Variants in PAFAH1B2 observed in about 807,000 individuals in gnomAD.
PAFAH1B2 encodes platelet-activating factor acetylhydrolase IB subunit alpha2.
A neutral mutation model predicts 28.0 loss-of-function variants in PAFAH1B2; 8 were observed. That is an observed-to-expected ratio of 0.29 (90% CI 0.17 to 0.52). The LOEUF is 0.52. Among genes scored for constraint, PAFAH1B2 ranks in the 20% least tolerant of loss-of-function variants. PAFAH1B2 has a pLI of 0.97. For synonymous variants in PAFAH1B2, 104 were observed against 103.2 expected (o/e 1.01, Z -0.05); for missense variants, 190 against 282.6 (o/e 0.67, Z 2.35).
chr11:117,163,994 G>A (rs1219921929), intron 5 of PAFAH1B2, 102 bp downstream of exon 5: 2 of 1,250,382 alleles, frequency 1.6e-6, no homozygotes, highest in Non-Finnish European at 2.3e-6. Context: ...CCTTGAGGTG[G>A]AAGCAGTTTA....
In PAFAH1B2 at chr11:117,168,194, T is replaced by C. The variant is rs904058443; in HGVS notation, c.*495T>C. 6 of 1,048,980 alleles carry C rather than the reference T, an allele frequency of 5.7e-6. No homozygotes were observed. Among genetic ancestry groups the C allele is most frequent in the Non-Finnish European group, 6.9e-6 (6 of 866,070 alleles). 65.0% of individuals were successfully genotyped at this position (1,048,980 alleles called of 1,614,324 possible). ...ATGTATACTGAATATTTTATTAACA[T>C]GTAGCATCAGGTTGAACATGCTTGT... On this transcript the variant is annotated 3_prime_UTR_variant, in exon 6 of 6. Coordinates refer to ENST00000527958, the MANE Select transcript of PAFAH1B2 (RefSeq NM_002572.4).
downstream of PAFAH1B2, among the ~76,000 whole-genome samples, chr11:117,174,016 T>C (rs1956726750): frequency 6.6e-6 from 1 of 152,068 alleles, no homozygotes; most frequent in South Asian, 2.1e-4. Context: ...TACCATTACA[T>C]GATACTAAAA....
downstream of PAFAH1B2, among the ~76,000 whole-genome samples, chr11:117,173,945 C>T (rs1956725496): frequency 6.6e-6 from 1 of 152,132 alleles, no homozygotes; most frequent in African/African-American, 2.4e-5. Context: ...AAACAGAAAG[C>T]TTCAGGTTCA....
chr11:117,155,169 G>A (rs768074402), intron 2 of PAFAH1B2, among the ~76,000 whole-genome samples: 9 of 151,968 alleles, frequency 5.9e-5, no homozygotes, highest in Non-Finnish European at 1.2e-4. Flanking sequence ...TGGTCAAGCC[G>A]GTCTTGAACT....
At chr11:117,176,083 C>A (rs1289169826) in exon 6 of PAFAH1B2, 9 of 704,056 alleles carry the variant, frequency 1.3e-5, no homozygotes, top group Non-Finnish European at 1.7e-5. Flanking sequence ...GTGCTGGAAA[C>A]AGTACTGGAC....
Position 117,161,190 on chromosome 11 carries a change from A to G in PAFAH1B2, c.217A>G (p.Ile73Val), listed in dbSNP as rs752647881. The G allele has an allele frequency of 4.4e-6, 7 of 1,597,532 alleles. 1 individual carries two copies. The Admixed American group carries it at 7.4e-5, about 17-fold the overall frequency. The part of the protein sequence containing the change: ...FSPLHALNFG[I>V]GGDTTRHVLW... ...CCCACTTCATGCACTGAATTTTGGA[A>G]TTGGGGGAGATACAACAAGACATGT... The change falls in exon 4 of 6, where the codon ATT (isoleucine) becomes GTT (valine). Residue 73 changes from isoleucine (I) to valine (V), a missense_variant. Coordinates refer to ENST00000527958, the MANE Select transcript of PAFAH1B2 (RefSeq NM_002572.4).
intron 5 of PAFAH1B2, among the ~76,000 whole-genome samples, chr11:117,164,495 T>G (rs1254259707): frequency 6.6e-6 from 1 of 152,232 alleles, no homozygotes; most frequent in African/African-American, 2.4e-5. Flanking sequence ...ATGAGATTTG[T>G]CTGAATCCTG....
At chr11:117,171,409 G>A (rs546026645), downstream of PAFAH1B2, among the ~76,000 whole-genome samples, 8 of 152,200 alleles carry the variant, frequency 5.3e-5, no homozygotes, top group South Asian at 6.2e-4. Context: ...CCGGGCTCAC[G>A]CCTGTAATCC....
At chr11:117,150,682 AACTCG>A (rs1345110080) in intron 1 of PAFAH1B2, among the ~76,000 whole-genome samples, 1 of 152,186 alleles carries the variant, frequency 6.6e-6, no homozygotes, top group Non-Finnish European at 1.5e-5. Flanking sequence ...GAATGAATAT[AACTCG>A]ATCTTCTTTC....
chr11:117,148,732 G>A (rs1396985255), intron 1 of PAFAH1B2, among the ~76,000 whole-genome samples: 1 of 152,022 alleles, frequency 6.6e-6, no homozygotes, highest in African/African-American at 2.4e-5. Flanking sequence ...AATCCAGCCT[G>A]GACAACATAG....
chr11:117,165,188 G>A (rs147322130), intron 5 of PAFAH1B2, among the ~76,000 whole-genome samples: 4 of 151,558 alleles, frequency 2.6e-5, no homozygotes, highest in African/African-American at 4.8e-5. Flanking sequence ...TCCTGACCTC[G>A]TGATCTGCCT....
rs540528626 is a variant in PAFAH1B2 at position 117,161,378 on chromosome 11, G to A, written c.288+117G>A. On this transcript the variant is annotated intron_variant, in intron 4 of 5. Transcript: ENST00000527958. ...AAAGACCTATTTCACTATTTTTTTC[G>A]TGCCTCTTTAAGGTAAATGATACTG... 92 of 613,638 alleles carry A rather than the reference G, an allele frequency of 1.5e-4. No individual in the cohort carries two copies. The Middle Eastern group carries it at 2.2e-3, about 15-fold the overall frequency. The allele number at this position is 613,638 out of a possible 1,614,324, so 38.0% of individuals were successfully genotyped here. A position where few individuals can be genotyped will look rare whatever the true frequency, so the allele number is the denominator to read the frequency against.
At chr11:117,174,164 T>TTGTGTGTGTGTGTGTGTGTGTGTG (rs55735449), downstream of PAFAH1B2, among the ~76,000 whole-genome samples, 5 of 138,808 alleles carry the variant, frequency 3.6e-5, no homozygotes, top group East Asian at 4.3e-4. Flanking sequence ...TTCATGTCTT[T>TTGTGTGTGTGTGTGTGTGTGTGTG]TGTGTGTGTG....
Position 117,167,938 on chromosome 11 carries a change from G to A in PAFAH1B2, c.*239G>A, listed in dbSNP as rs1286796815. On this transcript the variant is annotated 3_prime_UTR_variant, in exon 6 of 6. Transcript: ENST00000527958. Reference sequence around the variant, plus strand: ...TTTAAATTCATTTGAAACCAGAAGGGGACTTTTTAGTTGTATGTGTAACAC... The same window carrying A: ...TTTAAATTCATTTGAAACCAGAAGGAGACTTTTTAGTTGTATGTGTAACAC... 7.0e-6 allele frequency: 8 copies of A among 1,141,786 alleles called. No homozygotes were observed. The highest frequency in any genetic ancestry group is 8.6e-6 in the Non-Finnish European group (8 of 930,360). 70.7% of individuals were successfully genotyped at this position (1,141,786 alleles called of 1,614,324 possible). A position where few individuals can be genotyped will look rare whatever the true frequency, so the allele number is the denominator to read the frequency against.
rs1956576994 is a variant in PAFAH1B2, at chr11:117,168,668, AAC to A, written c.*971_*972del. ...TTTTGTTTTTCCCTTAAAACCTGTT[AAC>A]AGTTTTTTTTGGGGGTGGGGGGATT... On this transcript the variant is annotated 3_prime_UTR_variant, in exon 6 of 6. Coordinates refer to ENST00000527958, the MANE Select transcript of PAFAH1B2 (RefSeq NM_002572.4). 1.1e-5 allele frequency: 12 copies of A among 1,061,134 alleles called. No homozygotes were observed. The highest frequency in any genetic ancestry group is 1.4e-5 in the Non-Finnish European group (12 of 877,166). The allele number at this position is 1,061,134 out of a possible 1,614,324, so 65.7% of individuals were successfully genotyped here.
At chr11:117,177,177 C>T (rs1485729253), downstream of PAFAH1B2, among the ~76,000 whole-genome samples, 8 of 152,274 alleles carry the variant, frequency 5.3e-5, no homozygotes, top group East Asian at 1.3e-3. Context: ...CCACTGCACT[C>T]CAACCTGGGC....
At chr11:117,145,992 C>T (rs1955995139) in intron 1 of PAFAH1B2, among the ~76,000 whole-genome samples, 2 of 152,154 alleles carry the variant, frequency 1.3e-5, no homozygotes, top group South Asian at 2.1e-4. Context: ...GGTTACTCCT[C>T]GTCTTCCCAG....
chr11:117,174,666 CAG>C (rs564479624), downstream of PAFAH1B2, among the ~76,000 whole-genome samples: 2 of 152,236 alleles, frequency 1.3e-5, no homozygotes, highest in Admixed American at 6.5e-5. Flanking sequence ...TTAGTAGAGA[CAG>C]GGTTTCTCCA....
chr11:117,152,516 AT>A lies in PAFAH1B2; in HGVS notation c.70del (p.Trp24GlyfsTer29). On this transcript the variant is annotated frameshift_variant, in exon 2 of 6. Transcript: ENST00000527958. LOFTEE classifies it high-confidence loss of function. ...AAEDIQGDDR[W>X]MSQHNRFVLD... Reference sequence around the variant, plus strand: ...CAGAAGATATTCAAGGAGATGACCGATGGATGTCTCAGGTAAAAGGAAGTGC... The same window carrying A: ...CAGAAGATATTCAAGGAGATGACCGAGGATGTCTCAGGTAAAAGGAAGTGC... 1 of 1,609,040 alleles carries A rather than the reference AT, an allele frequency of 6.2e-7. No homozygotes were observed. The highest frequency in any genetic ancestry group is 2.2e-5 in the East Asian group (1 of 44,864).
Sources: gnomAD v4.1 joint callset for allele counts (sites outside exome capture counted in the v4.1 genomes callset) on GRCh38, gnomAD v4.1.1 for gene constraint, MANE v1.5 for transcripts, NCBI Gene and HGNC (gene_info 2026-07-23, HGNC 2026-07-21) for gene names.